The following SORCS2 variants were observed in gnomAD, a reference collection of about 807,000 sequenced individuals.
The protein encoded by SORCS2 is VPS10 domain-containing receptor SorCS2.
Under a neutral mutation model 141.6 loss-of-function variants are expected in SORCS2, and 100 were observed. That is an observed-to-expected ratio of 0.71 (90% confidence interval 0.60 to 0.83). The LOEUF (loss-of-function observed/expected upper bound fraction) is 0.83. Ranked by LOEUF, SORCS2 falls within the 40% of genes least tolerant of loss-of-function variation. The pLI, the probability that SORCS2 is intolerant of heterozygous loss-of-function variation, is 0.00. For synonymous variants in SORCS2, 789 were observed against 676.9 expected, an observed-to-expected ratio of 1.17 and a Z score of -2.57; for missense variants, 1,646 against 1,560.2, an observed-to-expected ratio of 1.05 and a Z score of -0.93.
chr4:7,508,373 G>C, intron 2 of SORCS2, among the ~76,000 whole-genome samples: 1 of 46,494 alleles, frequency 2.2e-5, no homozygotes, highest in African/African-American at 9.0e-5. Context: ...TTTTTTTTTT[G>C]ACACAGTCTC....
At chr4:7,706,141 ACAGAGAAGAGGCTGGGCTCCGTCTGGG>A in intron 14 of SORCS2, among the ~76,000 whole-genome samples, 1 of 95,306 alleles carries the variant, frequency 1.0e-5, no homozygotes, top group East Asian at 3.3e-4. Flanking sequence ...CTCCGCCTGG[ACAGAGAAGAGGCTGGGCTCCGTCTGGG>A]CAGGGATGAG....
intron 1 of SORCS2, among the ~76,000 whole-genome samples, chr4:7,274,101 C>T (rs569801485): frequency 2.0e-5 from 3 of 152,246 alleles, no homozygotes; most frequent in Non-Finnish European, 4.4e-5. Context: ...AATGTTCCCT[C>T]CTGTGACCTT....
At chr4:7,449,007 T>C (rs901404660) in intron 2 of SORCS2, among the ~76,000 whole-genome samples, 2 of 658 alleles carry the variant, frequency 3.0e-3, no homozygotes, top group Non-Finnish European at 6.8e-3. Flanking sequence ...TTCCCTCTCT[T>C]CCTCCCTCCC....
intron 1 of SORCS2, among the ~76,000 whole-genome samples, chr4:7,227,955 CA>C (rs2108771204): frequency 6.6e-6 from 1 of 152,124 alleles, no homozygotes; most frequent in East Asian, 1.9e-4. Context: ...AGCTGTGAGG[CA>C]GGGGGTGGCG....
At chr4:7,518,857 G>A (rs775902601) in intron 2 of SORCS2, among the ~76,000 whole-genome samples, 25 of 151,708 alleles carry the variant, frequency 1.6e-4, no homozygotes, top group African/African-American at 4.4e-4. Context: ...CCCAGAAGTC[G>A]CGGGCTGTGT....
At chr4:7,329,625 G>A (rs997225867) in intron 1 of SORCS2, among the ~76,000 whole-genome samples, 3 of 152,198 alleles carry the variant, frequency 2.0e-5, no homozygotes, top group African/African-American at 4.8e-5. Context: ...ACACGAAGAA[G>A]CATATGTAAG....
intron 2 of SORCS2, among the ~76,000 whole-genome samples, chr4:7,482,145 C>T (rs1240615267): frequency 2.0e-5 from 1 of 50,014 alleles, no homozygotes; most frequent in Admixed American, 1.9e-4. Flanking sequence ...CCTGTATCCC[C>T]GCTGCGGACA....
At chr4:7,215,435 G>T (rs1310548519) in intron 1 of SORCS2, among the ~76,000 whole-genome samples, 1 of 152,234 alleles carries the variant, frequency 6.6e-6, no homozygotes, top group Non-Finnish European at 1.5e-5. Context: ...TTCCTGTGCT[G>T]CCCGAGCCTC....
chr4:7,723,575 C>G, intron 18 of SORCS2, 122 bp from the exon 19 acceptor site: 1 of 1,130,324 alleles, frequency 8.8e-7, no homozygotes, highest in Non-Finnish European at 1.3e-6. Flanking sequence ...AGAGCCCACT[C>G]ATGTCAAGGA....
intron 1 of SORCS2, among the ~76,000 whole-genome samples, chr4:7,253,972 G>A (rs1261832245): frequency 1.3e-5 from 2 of 152,154 alleles, no homozygotes; most frequent in Non-Finnish European, 2.9e-5. Context: ...ACCACAATAA[G>A]ATATCATCTC....
chr4:7,337,668 G>A (rs1378472397), intron 1 of SORCS2, among the ~76,000 whole-genome samples: 7 of 152,114 alleles, frequency 4.6e-5, no homozygotes, highest in South Asian at 4.1e-4. Flanking sequence ...CTCTACACCC[G>A]CACGCTGGGG....
At chr4:7,544,039 C>T (rs978568686) in intron 3 of SORCS2, among the ~76,000 whole-genome samples, 3,027 of 133,506 alleles carry the variant, frequency 0.023, 167 homozygotes, top group Non-Finnish European at 0.026. Flanking sequence ...CAGCCACCCA[C>T]CCATCCATCC....
intron 2 of SORCS2, among the ~76,000 whole-genome samples, chr4:7,502,923 C>A (rs1259641814): frequency 1.6e-4 from 25 of 152,198 alleles, no homozygotes; most frequent in Admixed American, 1.6e-3. Flanking sequence ...GAAAGTGGGG[C>A]TGATTTAAAT....
chr4:7,252,453 C>T (rs925628613), intron 1 of SORCS2, among the ~76,000 whole-genome samples: 1 of 152,218 alleles, frequency 6.6e-6, no homozygotes, highest in African/African-American at 2.4e-5. Flanking sequence ...TTCTCACCCC[C>T]TTCTCTTTTT....
chr4:7,680,507 A>G (rs1313179737), intron 9 of SORCS2, among the ~76,000 whole-genome samples: 1 of 152,248 alleles, frequency 6.6e-6, no homozygotes, highest in East Asian at 1.9e-4. Flanking sequence ...GTGATGCCAC[A>G]TGGGCAAGAA....
chr4:7,423,002 C>A (rs1242554662), intron 2 of SORCS2, among the ~76,000 whole-genome samples: 2 of 149,546 alleles, frequency 1.3e-5, no homozygotes, highest in Admixed American at 1.3e-4. Context: ...TCCCCTACCC[C>A]CCACCCCTCT....
chr4:7,267,331 C>G (rs1196530613), intron 1 of SORCS2, among the ~76,000 whole-genome samples: 1 of 152,160 alleles, frequency 6.6e-6, no homozygotes, highest in East Asian at 1.9e-4. Context: ...GAGGGCAGAG[C>G]CTGGGAGATC....
chr4:7,632,301 C>T (rs767042863), intron 3 of SORCS2, among the ~76,000 whole-genome samples: 7 of 152,194 alleles, frequency 4.6e-5, no homozygotes, highest in Admixed American at 6.5e-5. Context: ...AAACCAGCCT[C>T]CTGGGCCCCC....
intron 2 of SORCS2, among the ~76,000 whole-genome samples, chr4:7,403,745 A>G (rs1008904151): frequency 2.0e-5 from 3 of 150,846 alleles, no homozygotes; most frequent in Non-Finnish European, 4.4e-5. Flanking sequence ...TTTTCTTTAA[A>G]TTTTATTATG....
Sources: gnomAD v4.1 joint callset for allele counts (sites outside exome capture counted in the v4.1 genomes callset) on GRCh38, gnomAD v4.1.1 for gene constraint, MANE v1.5 for transcripts, NCBI Gene and HGNC (gene_info 2026-07-23, HGNC 2026-07-21) for gene names.